ABL1: variants seen among roughly 807,000 people sequenced by gnomAD.
ABL1 encodes the protein tyrosine-protein kinase ABL1.
In ABL1, 11 loss-of-function variants were observed where a neutral mutation model predicts 94.7. The ratio of observed to expected loss-of-function variants is 0.12; its 90% confidence interval spans 0.07 to 0.19. The LOEUF is 0.19. Ranked by LOEUF, ABL1 falls within the 10% of genes least tolerant of loss-of-function variation. The probability of loss-of-function intolerance (pLI) is 1.00; values close to 1 mark genes in which losing one functional copy is unlikely to be tolerated. For synonymous variants in ABL1, 656 were observed against 622.4 expected (o/e 1.05, Z -0.80); for missense variants, 1,082 against 1,489.4 (o/e 0.73, Z 4.50).
At chr9:130,724,902 C>A in intron 1 of ABL1, 1 of 403,016 alleles carries the variant, frequency 2.5e-6, no homozygotes. Flanking sequence ...AGCCTTGGCA[C>A]ACCAGTCATA....
At chr9:130,780,434 C>A (rs558472644) in intron 1 of ABL1, among the ~76,000 whole-genome samples, 1 of 152,304 alleles carries the variant, frequency 6.6e-6, no homozygotes, top group African/African-American at 2.4e-5. Flanking sequence ...CAGATGAAGC[C>A]ATATTTACCT....
chr9:130,883,848 T>C (rs546461849), intron 10 of ABL1, 121 bp from the exon 11 acceptor site: 3 of 1,224,308 alleles, frequency 2.5e-6, no homozygotes, highest in Admixed American at 2.3e-5. Context: ...TGAGATGGAG[T>C]CTCACTCTGT....
At chr9:130,716,920 G>C (rs891065137) in intron 1 of ABL1, among the ~76,000 whole-genome samples, 1 of 151,524 alleles carries the variant, frequency 6.6e-6, no homozygotes, top group African/African-American at 2.4e-5. Flanking sequence ...CTGGCTAATG[G>C]AGAATTTTTA....
chr9:130,837,484 G>A (rs1830606311), intron 1 of ABL1, among the ~76,000 whole-genome samples: 1 of 151,250 alleles, frequency 6.6e-6, no homozygotes, highest in African/African-American at 2.4e-5. Context: ...TATTGTTTTG[G>A]GAAAAAAATC....
At chr9:130,882,117 C>T (rs1351187398) in intron 10 of ABL1, among the ~76,000 whole-genome samples, 2 of 152,274 alleles carry the variant, frequency 1.3e-5, no homozygotes, top group African/African-American at 2.4e-5. Flanking sequence ...CTCCTCTTAT[C>T]GGTTTTCCTG....
intron 1 of ABL1, among the ~76,000 whole-genome samples, chr9:130,755,347 A>C (rs1335115418): frequency 6.6e-6 from 1 of 152,074 alleles, no homozygotes; most frequent in Non-Finnish European, 1.5e-5. Flanking sequence ...GGCGACTAGA[A>C]ATGGGGGTGA....
intron 1 of ABL1, among the ~76,000 whole-genome samples, chr9:130,717,713 T>C (rs1161218195): frequency 2.0e-5 from 3 of 146,706 alleles, no homozygotes; most frequent in African/African-American, 7.6e-5. Context: ...GCAGCCAGCC[T>C]TTAAGAAATT....
intron 4 of ABL1, among the ~76,000 whole-genome samples, chr9:130,865,722 G>A (rs902326606): frequency 2.7e-5 from 4 of 149,470 alleles, no homozygotes; most frequent in African/African-American, 1.0e-4. Flanking sequence ...CTCCTACCTG[G>A]GGAGCAGAGT....
chr9:130,753,425 T>G (rs1426098479), intron 1 of ABL1, among the ~76,000 whole-genome samples: 3 of 91,666 alleles, frequency 3.3e-5, no homozygotes, highest in African/African-American at 9.8e-5. Flanking sequence ...TTCTTTTCTT[T>G]TTTTTTTTTT....
rs1254228330 is a variant in ABL1 at position 130,841,760 on chromosome 9, C to T, written c.79+6235C>T. On this transcript the variant is annotated intron_variant, in intron 1 of 10. Transcript: ENST00000318560. ...CTGGGAGGCAGAGGTTGCAGTGAGC[C>T]GCGATCTCACCATTGTACTCCAGCC... 5.3e-5 allele frequency among the ~76,000 whole-genome samples: 8 copies of T among 151,856 alleles called. No homozygotes were observed. In the South Asian group the frequency reaches 6.3e-4, roughly 12 times the overall value.
chr9:130,744,327 G>C (rs1358513813), intron 1 of ABL1, among the ~76,000 whole-genome samples: 1 of 151,396 alleles, frequency 6.6e-6, no homozygotes, highest in African/African-American at 2.4e-5. Flanking sequence ...ATTTTTAGTA[G>C]AGATGGGGTT....
chr9:130,883,789 A>G (rs1831508354), intron 10 of ABL1, among the ~76,000 whole-genome samples, 180 bp from the exon 11 acceptor site: 1 of 152,102 alleles, frequency 6.6e-6, no homozygotes, highest in Non-Finnish European at 1.5e-5. Context: ...CACAGGAGAT[A>G]AGAAGGGATG....
chr9:130,886,875 A>G lies in ABL1; in HGVS notation c.*1192A>G, dbSNP rs1216686721. On this transcript the variant is annotated 3_prime_UTR_variant, in exon 11 of 11. Transcript: ENST00000318560. ...GTCCTGGTCCTGGCTGCACTCTTGA[A>G]CTGGGCGAATGTCTTATTTAATTAC... The G allele has an allele frequency of 4.3e-6, 1 of 233,086 alleles. No individual in the cohort carries two copies. The highest frequency in any genetic ancestry group is 2.2e-5 in the African/African-American group (1 of 45,314). The allele number at this position is 233,086 out of a possible 1,614,324, so 14.4% of individuals were successfully genotyped here.
chr9:130,751,183 C>T lies in ABL1; in HGVS notation c.136+36728C>T, dbSNP rs561327271. 2.8e-3 allele frequency among the ~76,000 whole-genome samples: 312 copies of T among 112,324 alleles called. 1 individual carries two copies. Among genetic ancestry groups the T allele is most frequent in the African/African-American group, 0.011 (297 of 26,772 alleles). 73.7% of individuals were successfully genotyped at this position (112,324 alleles called of 152,430 possible). The stretch of plus-strand genomic sequence containing the variant: ...TTGAGATGGAGTCTCACTCTGTTGC[C>T]CAGGCTGGAGTACAGTGGCGCGATC... On this transcript the variant is annotated intron_variant, in intron 1 of 10. Transcript: ENST00000372348.
At chr9:130,736,677 G>T (rs1373566644) in intron 1 of ABL1, among the ~76,000 whole-genome samples, 1 of 152,072 alleles carries the variant, frequency 6.6e-6, no homozygotes, top group Non-Finnish European at 1.5e-5. Flanking sequence ...TTTTAGTAGA[G>T]ACGGGGTTTC....
chr9:130,724,202 T>G (rs1397271453), intron 1 of ABL1, among the ~76,000 whole-genome samples: 1 of 152,202 alleles, frequency 6.6e-6, no homozygotes, highest in Admixed American at 6.6e-5. Context: ...CTCGAACTCC[T>G]CAAGTAAACT....
At chr9:130,752,039 G>A (rs1379479802) in intron 1 of ABL1, among the ~76,000 whole-genome samples, 1 of 152,206 alleles carries the variant, frequency 6.6e-6, no homozygotes, top group Non-Finnish European at 1.5e-5. Context: ...AACCTGATAT[G>A]AAGATGTATG....
chr9:130,767,407 A>T (rs1489750575), intron 1 of ABL1, among the ~76,000 whole-genome samples: 1 of 152,198 alleles, frequency 6.6e-6, no homozygotes, highest in Admixed American at 6.5e-5. Flanking sequence ...ATCTCTGCTC[A>T]CTATAACCTC....
At chr9:130,769,193 A>C (rs1466901133) in intron 1 of ABL1, among the ~76,000 whole-genome samples, 4 of 152,204 alleles carry the variant, frequency 2.6e-5, no homozygotes, top group Non-Finnish European at 5.9e-5. Context: ...AAAGGTAGTT[A>C]TAAAGTTAGT....
Sources: gnomAD v4.1 joint callset for allele counts (sites outside exome capture counted in the v4.1 genomes callset) on GRCh38, gnomAD v4.1.1 for gene constraint, MANE v1.5 for transcripts, NCBI Gene and HGNC (gene_info 2026-07-23, HGNC 2026-07-21) for gene names.